SLC12A2: variants seen among roughly 807,000 people sequenced by gnomAD.
SLC12A2 encodes the protein Na-K-2Cl cotransporter 1.
Under a neutral mutation model 136.3 loss-of-function variants are expected in SLC12A2, and 67 were observed. The observed-to-expected ratio is 0.49, with a 90% CI of 0.40 to 0.60. SLC12A2 has a LOEUF of 0.60. Among genes scored for constraint, SLC12A2 ranks in the 20% least tolerant of loss-of-function variants. The pLI, the probability that SLC12A2 is intolerant of heterozygous loss-of-function variation, is 0.00. For missense variants in SLC12A2, 1,322 were observed against 1,534.7 expected, an observed-to-expected ratio of 0.86 and a Z score of 2.32; for synonymous variants, 619 against 562.9, an observed-to-expected ratio of 1.10 and a Z score of -1.41.
chr5:128,109,653 C>CAGGGAAT lies in SLC12A2; in HGVS notation c.757-3158_757-3152dup. ...TTCTATATTCAGACAGTGGATACAT[C>CAGGGAAT]AGGGAATAGCTTCACATCTTCTCCA... is the stretch of plus-strand genomic sequence containing the variant. On this transcript the variant is annotated intron_variant, in intron 1 of 26. Coordinates refer to ENST00000262461, the MANE Select transcript of SLC12A2 (RefSeq NM_001046.3). The CAGGGAAT allele has an allele frequency of 2.3e-5, 19 of 828,514 alleles. No individual in the cohort carries two copies. The South Asian group carries it at 2.5e-4, about 11-fold the overall frequency. The allele number at this position is 828,514 out of a possible 1,614,324, so 51.3% of individuals were successfully genotyped here. A position where few individuals can be genotyped will look rare whatever the true frequency, so the allele number is the denominator to read the frequency against.
chr5:128,090,054 CCT>C (rs1201899655), intron 1 of SLC12A2, among the ~76,000 whole-genome samples: 2 of 152,092 alleles, frequency 1.3e-5, no homozygotes, highest in Non-Finnish European at 1.5e-5. Flanking sequence ...GGGGCTTTGC[CCT>C]GCTAAACCCA....
At chr5:128,132,012 GAA>G in intron 5 of SLC12A2, among the ~76,000 whole-genome samples, 1 of 151,732 alleles carries the variant, frequency 6.6e-6, no homozygotes, top group Non-Finnish European at 1.5e-5. Flanking sequence ...TCTCAAAAAA[GAA>G]AAAAAGAAAA....
At chr5:128,168,013 T>C (rs1412848070) in intron 18 of SLC12A2, 146 bp downstream of exon 18, 4 of 537,526 alleles carry the variant, frequency 7.4e-6, no homozygotes, top group Non-Finnish European at 1.3e-5. Context: ...CATCTGGGTT[T>C]TAAATTGATA....
At chr5:128,159,928 C>T (rs1762986645) in intron 16 of SLC12A2, among the ~76,000 whole-genome samples, 1 of 152,168 alleles carries the variant, frequency 6.6e-6, no homozygotes, top group Non-Finnish European at 1.5e-5. Context: ...ACTATAAAGA[C>T]ACATACACAC....
chr5:128,168,963 G>A (rs1763286988), intron 18 of SLC12A2: 1 of 152,102 alleles, frequency 6.6e-6, no homozygotes, highest in African/African-American at 2.4e-5. Context: ...TTCTGTTTGT[G>A]GATTTTGTGG....
chr5:128,124,083 A>T (rs560238069), intron 4 of SLC12A2, among the ~76,000 whole-genome samples: 2 of 152,322 alleles, frequency 1.3e-5, no homozygotes, highest in East Asian at 3.8e-4. Context: ...TTGACCCTAC[A>T]GTGTGAGTCT....
intron 9 of SLC12A2, among the ~76,000 whole-genome samples, 173 bp downstream of exon 9, chr5:128,139,081 TC>T (rs2126708604): frequency 6.6e-6 from 1 of 152,292 alleles, no homozygotes; most frequent in African/African-American, 2.4e-5. Flanking sequence ...AGTAATGACT[TC>T]TATAGACATT....
intron 26 of SLC12A2, among the ~76,000 whole-genome samples, 184 bp from the exon 27 acceptor site, chr5:128,186,312 G>A (rs979658171): frequency 2.6e-5 from 4 of 152,074 alleles, no homozygotes; most frequent in African/African-American, 7.2e-5. Flanking sequence ...CGTCTCCATC[G>A]CTAAGCAACA....
At chr5:128,171,085 G>C (rs986685755) in intron 18 of SLC12A2, 1 of 140,520 alleles carries the variant, frequency 7.1e-6, no homozygotes, top group African/African-American at 2.7e-5. Flanking sequence ...AACAGAGCGA[G>C]ACTCTGTCTC....
Position 128,187,750 on chromosome 5 carries a change from A to C in SLC12A2, c.*1119A>C, listed in dbSNP as rs1763912325. 1 of 152,622 alleles carries C rather than the reference A, an allele frequency of 6.6e-6. No individual in the cohort carries two copies. The highest frequency in any genetic ancestry group is 2.4e-5 in the African/African-American group (1 of 41,448). The allele number at this position is 152,622 out of a possible 1,614,324, so 9.5% of individuals were successfully genotyped here. A position where few individuals can be genotyped will look rare whatever the true frequency, so the allele number is the denominator to read the frequency against. ...TGAACAGATTATTCTGAATATTAAAATTTAATCCATTCTTAATATTTTAAA... is the reference window on the plus strand; with the variant it reads ...TGAACAGATTATTCTGAATATTAAACTTTAATCCATTCTTAATATTTTAAA... On this transcript the variant is annotated 3_prime_UTR_variant, in exon 27 of 27. Coordinates refer to ENST00000262461, the MANE Select transcript of SLC12A2 (RefSeq NM_001046.3).
At chr5:128,111,625 C>A (rs1179269054) in intron 1 of SLC12A2, among the ~76,000 whole-genome samples, 2 of 151,786 alleles carry the variant, frequency 1.3e-5, no homozygotes, top group Non-Finnish European at 2.9e-5. Flanking sequence ...ATTAGCCGGG[C>A]TTGGTGGTGG....
chr5:128,161,557 T>C, intron 16 of SLC12A2, 103 bp from the exon 17 acceptor site: 2 of 597,286 alleles, frequency 3.3e-6, no homozygotes. Flanking sequence ...TGACCCTACA[T>C]TTAGTCACCT....
intron 23 of SLC12A2, among the ~76,000 whole-genome samples, chr5:128,181,785 A>G (rs1237083348): frequency 1.3e-5 from 2 of 152,018 alleles, no homozygotes; most frequent in African/African-American, 2.4e-5. Flanking sequence ...TGCTCTAAAC[A>G]TGCATGTGAC....
rs1451053957 is a variant in SLC12A2 at position 128,187,627 on chromosome 5, C to T, written c.*996C>T. On this transcript the variant is annotated 3_prime_UTR_variant, in exon 27 of 27. Transcript: ENST00000262461. ...TTTATAAGTCATTAAAATAATGTTT[C>T]ATCAAATGGTTAAATGGACCACTGG... is the stretch of plus-strand genomic sequence containing the variant. 1 of 152,470 alleles carries T rather than the reference C, an allele frequency of 6.6e-6. No homozygotes were observed. Among genetic ancestry groups the T allele is most frequent in the Admixed American group, 6.5e-5 (1 of 15,270 alleles). The allele number at this position is 152,470 out of a possible 1,614,324, so 9.4% of individuals were successfully genotyped here.
chr5:128,169,419 GAA>G (rs1763300979), intron 18 of SLC12A2: 1 of 152,026 alleles, frequency 6.6e-6, no homozygotes, highest in Non-Finnish European at 1.5e-5. Context: ...AGTGACATTT[GAA>G]AAGTCTTTGA....
intron 1 of SLC12A2, among the ~76,000 whole-genome samples, chr5:128,085,817 G>A (rs1760081445): frequency 6.6e-6 from 1 of 152,180 alleles, no homozygotes; most frequent in African/African-American, 2.4e-5. Context: ...GTTTGATAAT[G>A]TAACATTCAC....
intron 1 of SLC12A2, chr5:128,111,016 T>C (rs189346763): frequency 3.5e-5 from 25 of 723,414 alleles, no homozygotes; most frequent in Middle Eastern, 4.0e-4. Context: ...ATAACTTCTA[T>C]TAAAATAATG....
intron 19 of SLC12A2, among the ~76,000 whole-genome samples, chr5:128,173,316 G>A (rs1469210845): frequency 6.6e-6 from 1 of 152,198 alleles, no homozygotes; most frequent in Non-Finnish European, 1.5e-5. Flanking sequence ...CAGAATTGAG[G>A]TTTAGAGTGC....
chr5:128,140,324 G>T (rs1202110792), intron 9 of SLC12A2, among the ~76,000 whole-genome samples: 4 of 151,938 alleles, frequency 2.6e-5, no homozygotes, highest in Non-Finnish European at 5.9e-5. Flanking sequence ...AGAGGAATTT[G>T]GATTTCATTT....
Sources: gnomAD v4.1 joint callset for allele counts (sites outside exome capture counted in the v4.1 genomes callset) on GRCh38, gnomAD v4.1.1 for gene constraint, MANE v1.5 for transcripts, NCBI Gene and HGNC (gene_info 2026-07-23, HGNC 2026-07-21) for gene names.